Variants in SLC26A5 observed in about 807,000 individuals in gnomAD.
The protein encoded by SLC26A5 is prestin.
Under a neutral mutation model 81.0 loss-of-function variants are expected in SLC26A5, and 51 were observed. That is an observed-to-expected ratio of 0.63 (90% CI 0.50 to 0.80). The LOEUF is 0.80. SLC26A5 is among the 30% of genes least tolerant of loss of function. The pLI, the probability that SLC26A5 is intolerant of heterozygous loss-of-function variation, is 0.00. For missense variants in SLC26A5, 771 were observed against 905.8 expected, an observed-to-expected ratio of 0.85 and a Z score of 1.91; for synonymous variants, 325 against 332.8, an observed-to-expected ratio of 0.98 and a Z score of 0.25.
At chr7:103,418,134 C>T (rs1395237844) in intron 4 of SLC26A5, among the ~76,000 whole-genome samples, 1 of 152,194 alleles carries the variant, frequency 6.6e-6, no homozygotes, top group African/African-American at 2.4e-5. Context: ...CTCCTCTTCA[C>T]CATCCCCACA....
At chr7:103,441,197 T>G (rs902295191) in intron 2 of SLC26A5, among the ~76,000 whole-genome samples, 3 of 152,220 alleles carry the variant, frequency 2.0e-5, no homozygotes, top group Admixed American at 2.0e-4. Context: ...CCTTAATGCC[T>G]TTCCATTTTT....
chr7:103,374,014 C>A (rs1256840633), downstream of SLC26A5, among the ~76,000 whole-genome samples: 1 of 152,030 alleles, frequency 6.6e-6, no homozygotes, highest in Non-Finnish European at 1.5e-5. Context: ...AGTCTGTAGA[C>A]CAACAAGTAC....
chr7:103,427,761 G>A (rs987306526), intron 2 of SLC26A5, among the ~76,000 whole-genome samples: 12 of 151,956 alleles, frequency 7.9e-5, no homozygotes, highest in Admixed American at 5.2e-4. Context: ...TTATGGCAGG[G>A]TCAACTACAC....
chr7:103,398,437 A>G (rs977891871), intron 8 of SLC26A5, among the ~76,000 whole-genome samples: 1 of 152,140 alleles, frequency 6.6e-6, no homozygotes, highest in East Asian at 1.9e-4. Flanking sequence ...GTACATCTGG[A>G]TTTAGAATCC....
intron 19 of SLC26A5, among the ~76,000 whole-genome samples, chr7:103,375,053 C>T (rs1586199508): frequency 6.8e-6 from 1 of 146,210 alleles, no homozygotes. Flanking sequence ...CACACACACA[C>T]ATATATACAC....
At chr7:103,387,060 C>A (rs1172035666) in intron 14 of SLC26A5, among the ~76,000 whole-genome samples, 1 of 152,104 alleles carries the variant, frequency 6.6e-6, no homozygotes, top group African/African-American at 2.4e-5. Flanking sequence ...CACACCTGGC[C>A]AAAAGTTATA....
intron 2 of SLC26A5, among the ~76,000 whole-genome samples, chr7:103,436,452 G>GT (rs552066292): frequency 2.4e-4 from 36 of 152,084 alleles, no homozygotes; most frequent in Non-Finnish European, 5.0e-4. Context: ...CCAATTAAAC[G>GT]TATCAGGCCC....
intron 9 of SLC26A5, among the ~76,000 whole-genome samples, chr7:103,397,716 CAAAA>C (rs72106385): frequency 2.5e-5 from 3 of 118,564 alleles, no homozygotes; most frequent in Non-Finnish European, 1.7e-5. Flanking sequence ...GACTTCGTCT[CAAAA>C]AAAAAAAAAA....
chr7:103,413,112 C>A lies in SLC26A5; in HGVS notation c.293G>T (p.Gly98Val), dbSNP rs187694846. The A allele has an allele frequency of 1.7e-5, 27 of 1,609,050 alleles. No individual in the cohort carries two copies. The highest frequency in any genetic ancestry group is 3.3e-5 in the Admixed American group (2 of 59,960). ...ISTGVLQLPQ[G>V]LAFAMLAAVP... is the part of the protein sequence containing the mutation. ...AGCTGCCAGCATTGCAAAGGCTAAG[C>A]CTGTGGGATTAAAAACCAAACAGAA... The change falls in exon 5 of 20, where the codon GGC becomes GTC. Residue 98 changes from glycine (G) to valine (V), a missense_variant and splice_region_variant. Transcript: ENST00000306312.
chr7:103,399,569 C>CTT (rs1823413181), intron 8 of SLC26A5, among the ~76,000 whole-genome samples: 1 of 152,056 alleles, frequency 6.6e-6, no homozygotes, highest in Non-Finnish European at 1.5e-5. Flanking sequence ...CTCTTCACTT[C>CTT]TTTTTTAAAT....
At chr7:103,441,293 A>G (rs1826861565) in intron 2 of SLC26A5, among the ~76,000 whole-genome samples, 1 of 152,174 alleles carries the variant, frequency 6.6e-6, no homozygotes, top group Admixed American at 6.5e-5. Flanking sequence ...GGGAAATGAA[A>G]GGTAGTAGGA....
At chr7:103,389,151 T>A in intron 13 of SLC26A5, 37 bp from the exon 14 acceptor site, 1 of 1,487,846 alleles carries the variant, frequency 6.7e-7, no homozygotes, top group Non-Finnish European at 9.4e-7. Flanking sequence ...GAGAACCATG[T>A]TAAACATCCC....
chr7:103,390,591 T>G, intron 11 of SLC26A5, 85 bp from the exon 12 acceptor site: 1 of 1,066,346 alleles, frequency 9.4e-7, no homozygotes, highest in Admixed American at 1.7e-5. Context: ...CTTTTGATAA[T>G]TACTATGGGA....
At chr7:103,416,457 TTTAG>T (rs1824915979) in intron 4 of SLC26A5, among the ~76,000 whole-genome samples, 1 of 152,210 alleles carries the variant, frequency 6.6e-6, no homozygotes, top group Non-Finnish European at 1.5e-5. Context: ...TGTGCAGACT[TTTAG>T]TTAACCTTCT....
At position 103,374,325 on chromosome 7, in the gene SLC26A5, G is replaced by A. The variant is rs1046496757; in HGVS notation, c.*74C>T. The A allele has an allele frequency of 2.5e-5, 39 of 1,584,864 alleles. No individual in the cohort carries two copies. The highest frequency in any genetic ancestry group is 2.1e-4 in the South Asian group (18 of 87,110). ...TCACCCTTAGAAAAAAAAATCTAGCGTCTAGTATTTAAAACGTGTAAATTA... is the reference window on the plus strand; with the variant it reads ...TCACCCTTAGAAAAAAAAATCTAGCATCTAGTATTTAAAACGTGTAAATTA... On this transcript the variant is annotated 3_prime_UTR_variant, in exon 20 of 20. Coordinates refer to ENST00000306312, the MANE Select transcript of SLC26A5 (RefSeq NM_198999.3).
intron 8 of SLC26A5, among the ~76,000 whole-genome samples, chr7:103,400,076 G>A (rs1469481086): frequency 6.6e-6 from 1 of 151,746 alleles, no homozygotes; most frequent in Non-Finnish European, 1.5e-5. Flanking sequence ...AATCCTTTGG[G>A]TATATACCCA....
chr7:103,408,045 C>T, intron 7 of SLC26A5, 42 bp from the exon 8 acceptor site: 1 of 1,613,200 alleles, frequency 6.2e-7, no homozygotes, highest in Non-Finnish European at 8.5e-7. Flanking sequence ...CAAGAAATCG[C>T]CCCTGAGAGA....
intron 4 of SLC26A5, among the ~76,000 whole-genome samples, chr7:103,416,444 C>T (rs2116689854): frequency 6.6e-6 from 1 of 152,362 alleles, no homozygotes; most frequent in South Asian, 2.1e-4. Flanking sequence ...GCTCACAGTT[C>T]AGTGTGCAGA....
At chr7:103,357,938 G>T (rs1820136840) in intron 19 of SLC26A5, among the ~76,000 whole-genome samples, 1 of 152,010 alleles carries the variant, frequency 6.6e-6, no homozygotes, top group Non-Finnish European at 1.5e-5. Flanking sequence ...GTTTTTCCCA[G>T]CACCTTCTGA....
Sources: gnomAD v4.1 joint callset for allele counts (sites outside exome capture counted in the v4.1 genomes callset) on GRCh38, gnomAD v4.1.1 for gene constraint, MANE v1.5 for transcripts, NCBI Gene and HGNC (gene_info 2026-07-23, HGNC 2026-07-21) for gene names.